KIAA0825: variants seen among roughly 807,000 people sequenced by gnomAD.
KIAA0825 encodes the protein KIAA0825, also known as uncharacterized protein KIAA0825.
KIAA0825 carries 119 observed loss-of-function variants against 147.6 expected under a neutral mutation model. That is an observed-to-expected ratio of 0.81 (90% CI 0.69 to 0.94). KIAA0825 has a LOEUF of 0.94. KIAA0825 is among the 40% of genes least tolerant of loss of function. KIAA0825 has a pLI of 0.00. For missense variants in KIAA0825, 1,381 were observed against 1,472.7 expected, an observed-to-expected ratio of 0.94 and a Z score of 1.02; for synonymous variants, 470 against 518.1, an observed-to-expected ratio of 0.91 and a Z score of 1.26.
intron 20 of KIAA0825, among the ~76,000 whole-genome samples, chr5:94,204,124 T>A (rs1771942531): frequency 6.6e-6 from 1 of 152,138 alleles, no homozygotes; most frequent in South Asian, 2.1e-4. Flanking sequence ...TATGGTCAAG[T>A]CATTAGTTTT....
rs1756891041 is a variant in KIAA0825 at position 94,440,139 on chromosome 5, A to G, written c.2358-18T>C. 3 of 1,549,870 alleles carry G rather than the reference A, an allele frequency of 1.9e-6. No homozygotes were observed. In the African/African-American group the frequency reaches 4.1e-5, roughly 21 times the overall value. On this transcript the variant is annotated intron_variant, in intron 13 of 20. Transcript: ENST00000682413. ...ATGGAGTCCTTTCAAAATGCAAGAT[A>G]AAGATGGAGTAATGAAGTTAATTTA...
intron 14 of KIAA0825, among the ~76,000 whole-genome samples, chr5:94,430,681 C>T (rs1302609839): frequency 6.6e-6 from 1 of 152,134 alleles, no homozygotes; most frequent in Non-Finnish European, 1.5e-5. Flanking sequence ...AATCATTTTA[C>T]ATACTAATGC....
chr5:94,320,447 T>C (rs1237904307), intron 20 of KIAA0825, among the ~76,000 whole-genome samples: 3 of 150,512 alleles, frequency 2.0e-5, no homozygotes, highest in Non-Finnish European at 4.4e-5. Flanking sequence ...TGTATGTTTG[T>C]ACCCATTGAC....
intron 6 of KIAA0825, among the ~76,000 whole-genome samples, chr5:94,479,185 C>T (rs1056771349): frequency 1.3e-5 from 2 of 151,994 alleles, no homozygotes; most frequent in African/African-American, 2.4e-5. Context: ...GTCATGTACC[C>T]CCCATTACTC....
chr5:94,294,417 G>C (rs1778043171), intron 20 of KIAA0825, among the ~76,000 whole-genome samples: 1 of 152,192 alleles, frequency 6.6e-6, no homozygotes, highest in African/African-American at 2.4e-5. Flanking sequence ...TGAAATTCTA[G>C]GTTGAGAATT....
chr5:94,496,636 G>C (rs1056455214), intron 5 of KIAA0825, among the ~76,000 whole-genome samples: 1 of 152,156 alleles, frequency 6.6e-6, no homozygotes, highest in Non-Finnish European at 1.5e-5. Context: ...TTCTGAGCTA[G>C]GTGGAATGTC....
intron 20 of KIAA0825, among the ~76,000 whole-genome samples, chr5:94,168,397 A>G (rs1434141063): frequency 6.6e-6 from 1 of 152,202 alleles, no homozygotes; most frequent in African/African-American, 2.4e-5. Flanking sequence ...GACAATCTGC[A>G]GGACAACTTA....
chr5:94,248,178 C>T (rs1775725459), intron 20 of KIAA0825, among the ~76,000 whole-genome samples: 1 of 152,090 alleles, frequency 6.6e-6, no homozygotes, highest in Non-Finnish European at 1.5e-5. Flanking sequence ...TAAGAAGCTA[C>T]TTGACAATGA....
At position 94,520,719 on chromosome 5, in the gene KIAA0825, G is replaced by T. The variant is rs1209675831; in HGVS notation, c.499C>A (p.His167Asn). 3.1e-6 allele frequency: 5 copies of T among 1,613,390 alleles called. No individual in the cohort carries two copies. The highest frequency in any genetic ancestry group is 4.2e-6 in the Non-Finnish European group (5 of 1,179,464). The change falls in exon 5 of 21, where the codon CAT (histidine) becomes AAT (asparagine). Residue 167 changes from histidine (H) to asparagine (N), a missense_variant. His to Asn is a moderately conservative substitution (Grantham distance 68). Coordinates refer to ENST00000682413, the MANE Select transcript of KIAA0825 (RefSeq NM_001145678.3). ...VKSMWDDIRL[H>N]LRRFLVSKLQ... is the part of the protein sequence containing the mutation. ...TTGCTCACTAAGAAGCGTCGAAGAT[G>T]CAGTCTTATATCATCCCACATAGAC... is the stretch of plus-strand genomic sequence containing the variant.
chr5:94,334,408 C>T (rs1383059270), intron 20 of KIAA0825, among the ~76,000 whole-genome samples: 1 of 152,228 alleles, frequency 6.6e-6, no homozygotes. Context: ...GGTTACCTTC[C>T]AATAAACAAA....
intron 20 of KIAA0825, among the ~76,000 whole-genome samples, chr5:94,363,077 A>G (rs1379904702): frequency 6.6e-6 from 1 of 152,170 alleles, no homozygotes; most frequent in Non-Finnish European, 1.5e-5. Flanking sequence ...CATCATGCTG[A>G]TGAGAAGAGC....
chr5:94,600,233 T>C (rs1422153080), intron 1 of KIAA0825, among the ~76,000 whole-genome samples: 1 of 152,130 alleles, frequency 6.6e-6, no homozygotes, highest in African/African-American at 2.4e-5. Context: ...TAACAAGTGA[T>C]GGGAGAATGT....
At chr5:94,373,041 A>G (rs1488483044) in intron 20 of KIAA0825, among the ~76,000 whole-genome samples, 14 of 152,100 alleles carry the variant, frequency 9.2e-5, no homozygotes, top group Non-Finnish European at 2.1e-4. Context: ...CCTCATCTCC[A>G]TCTTGGACCA....
At chr5:94,294,508 A>C (rs1778046755) in intron 20 of KIAA0825, among the ~76,000 whole-genome samples, 1 of 152,192 alleles carries the variant, frequency 6.6e-6, no homozygotes, top group Non-Finnish European at 1.5e-5. Context: ...TGGGTGGATC[A>C]CGAGGTCAGG....
At chr5:94,613,494 G>A (rs1416629832) in intron 1 of KIAA0825, among the ~76,000 whole-genome samples, 11 of 152,078 alleles carry the variant, frequency 7.2e-5, no homozygotes, top group Non-Finnish European at 1.6e-4. Context: ...TCACTGCGCC[G>A]GCCAATCTTG....
intron 2 of KIAA0825, among the ~76,000 whole-genome samples, chr5:94,577,829 T>C (rs1584945740): frequency 6.6e-6 from 1 of 152,372 alleles, no homozygotes; most frequent in Admixed American, 6.5e-5. Context: ...ATTACTTATG[T>C]AAGAGGTTGA....
At chr5:94,181,584 A>G (rs188658506) in intron 20 of KIAA0825, among the ~76,000 whole-genome samples, 99 of 152,356 alleles carry the variant, frequency 6.5e-4, no homozygotes, top group African/African-American at 2.0e-3. Flanking sequence ...AGGAATGCCA[A>G]TGAAATTAGA....
At chr5:94,572,686 C>T (rs1248717725) in intron 2 of KIAA0825, among the ~76,000 whole-genome samples, 1 of 151,976 alleles carries the variant, frequency 6.6e-6, no homozygotes, top group Non-Finnish European at 1.5e-5. Context: ...CAGCATAATA[C>T]AGGATATTTT....
chr5:94,396,393 A>G lies in KIAA0825; in HGVS notation c.3004T>C (p.Ser1002Pro). 2 of 1,550,800 alleles carry G rather than the reference A, an allele frequency of 1.3e-6. No individual in the cohort carries two copies. The highest frequency in any genetic ancestry group is 2.4e-5 in the South Asian group (2 of 83,806). ...TTCTTCAATTCAACAAATTTTTTTG[A>G]CATTTTTCTCTCAGACAGAAAAAAG... ...YFFFLSERKM[S>P]KKFVELKKAG... The change falls in exon 17 of 21, where the codon TCA becomes CCA. Residue 1002 changes from serine to proline, a missense_variant. Transcript: ENST00000682413.
Sources: allele counts gnomAD v4.1 joint callset (sites outside exome capture counted in the v4.1 genomes callset), GRCh38; gene constraint gnomAD v4.1.1; transcripts MANE v1.5; gene names NCBI Gene and HGNC (gene_info 2026-07-23, HGNC 2026-07-21).